The following AKAP6 variants were observed in gnomAD, a reference collection of about 807,000 sequenced individuals.
The protein encoded by AKAP6 is A-kinase anchoring protein 6.
A neutral mutation model predicts 188.5 loss-of-function variants in AKAP6; 58 were observed. That is an observed-to-expected ratio of 0.31 (90% CI 0.25 to 0.38). The LOEUF (loss-of-function observed/expected upper bound fraction) is 0.38, where lower values mean the gene tolerates loss of function less well. Among genes scored for constraint, AKAP6 ranks in the 10% least tolerant of loss-of-function variants. The probability of loss-of-function intolerance (pLI) is 1.00; values close to 1 mark genes in which losing one functional copy is unlikely to be tolerated. For synonymous variants in AKAP6, 989 were observed against 998.6 expected (o/e 0.99, Z 0.18); for missense variants, 2,710 against 2,740.0 (o/e 0.99, Z 0.24).
chr14:32,791,209 G>A (rs1054794449), intron 12 of AKAP6, among the ~76,000 whole-genome samples: 1 of 152,102 alleles, frequency 6.6e-6, no homozygotes, highest in Non-Finnish European at 1.5e-5. Flanking sequence ...TTCCACAATG[G>A]TTGAACTAAT....
chr14:32,830,666 A>G lies in AKAP6; in HGVS notation c.*861A>G, dbSNP rs2034803413. On this transcript the variant is annotated 3_prime_UTR_variant, in exon 14 of 14. Transcript: ENST00000280979. ...TGAATAATTTCTGTATATATGTATA[A>G]CCAAGTACAAACATTGATGTATAAT... 1 of 152,656 alleles carries G rather than the reference A, an allele frequency of 6.6e-6. No homozygotes were observed. The highest frequency in any genetic ancestry group is 1.5e-5 in the Non-Finnish European group (1 of 68,030). 9.5% of individuals were successfully genotyped at this position (152,656 alleles called of 1,614,324 possible).
chr14:32,695,600 C>T (rs1890370617), intron 8 of AKAP6, among the ~76,000 whole-genome samples: 1 of 152,050 alleles, frequency 6.6e-6, no homozygotes, highest in Non-Finnish European at 1.5e-5. Context: ...TGTTCTTACC[C>T]AAAATTCAGG....
Position 32,360,610 on chromosome 14 carries a change from G to T in AKAP6, c.-35+31202G>T, listed in dbSNP as rs551622220. Among the ~76,000 whole-genome samples, 93 of 151,912 alleles carry T rather than the reference G, an allele frequency of 6.1e-4. 1 individual carries two copies. Among genetic ancestry groups the T allele is most frequent in the Middle Eastern group, 6.8e-3 (2 of 294 alleles). Reference sequence around the variant, plus strand: ...TTTATTTATTCAATCGTTTATATCAGTATAGGCTCACGGATATTTATTTTA... The same window carrying T: ...TTTATTTATTCAATCGTTTATATCATTATAGGCTCACGGATATTTATTTTA... On this transcript the variant is annotated intron_variant, in intron 1 of 13. Coordinates refer to ENST00000280979, the MANE Select transcript of AKAP6 (RefSeq NM_004274.5).
At chr14:32,553,294 C>T (rs1303883953) in intron 4 of AKAP6, among the ~76,000 whole-genome samples, 1 of 151,936 alleles carries the variant, frequency 6.6e-6, no homozygotes, top group Non-Finnish European at 1.5e-5. Context: ...CCTCAGCCTC[C>T]CCAGTAGCTG....
intron 1 of AKAP6, among the ~76,000 whole-genome samples, chr14:32,397,585 C>T (rs913894032): frequency 4.6e-5 from 7 of 151,894 alleles, no homozygotes; most frequent in Admixed American, 2.6e-4. Context: ...CCATGAGGAG[C>T]GAGCATATGA....
At chr14:32,827,800 A>G (rs757460277) in intron 13 of AKAP6, among the ~76,000 whole-genome samples, 30 of 152,350 alleles carry the variant, frequency 2.0e-4, no homozygotes, top group Admixed American at 9.2e-4. Flanking sequence ...TTATTTCTTC[A>G]TAATCCTCAT....
chr14:32,343,064 C>T (rs368127689), intron 1 of AKAP6, among the ~76,000 whole-genome samples: 6 of 152,056 alleles, frequency 3.9e-5, no homozygotes, highest in Non-Finnish European at 7.4e-5. Flanking sequence ...TTCCCCTTGA[C>T]GATTTTCCCA....
chr14:32,655,344 T>G (rs965498197), intron 7 of AKAP6, among the ~76,000 whole-genome samples: 1 of 152,234 alleles, frequency 6.6e-6, no homozygotes, highest in Admixed American at 6.5e-5. Flanking sequence ...CTGTAACTGA[T>G]ACTAAGTGTT....
chr14:32,380,756 C>T (rs978866481), intron 1 of AKAP6, among the ~76,000 whole-genome samples: 4 of 152,142 alleles, frequency 2.6e-5, no homozygotes, highest in African/African-American at 4.8e-5. Flanking sequence ...AGTCCTGTCA[C>T]GTGAGAAAAG....
chr14:32,442,517 G>A (rs1050825628), intron 2 of AKAP6: 8 of 152,070 alleles, frequency 5.3e-5, no homozygotes, highest in Non-Finnish European at 1.0e-4. Context: ...TGCCTAAGAA[G>A]GGGTGAACTG....
Position 32,577,135 on chromosome 14 carries a change from C to T in AKAP6, c.2362C>T (p.Leu788=), listed in dbSNP as rs367650901. 1 of 1,608,950 alleles carries T rather than the reference C, an allele frequency of 6.2e-7. No homozygotes were observed. Among genetic ancestry groups the T allele is most frequent in the Non-Finnish European group, 8.5e-7 (1 of 1,178,498 alleles). ...WEKIEGFVNK[L]DEFIQWLNEA... ...CTTTCACAAGGGGTTTGTAAACAAA[C>T]TGGATGAATTCATTCAATGGTTAAA... The change falls in exon 5 of 14, where the codon CTG becomes TTG. Residue 788 remains leucine, a synonymous_variant. Coordinates refer to ENST00000280979, the MANE Select transcript of AKAP6 (RefSeq NM_004274.5).
chr14:32,382,104 G>T (rs1888382703), intron 1 of AKAP6, among the ~76,000 whole-genome samples: 1 of 152,142 alleles, frequency 6.6e-6, no homozygotes, highest in African/African-American at 2.4e-5. Context: ...GAGTCACCTA[G>T]CAGGTCCTTA....
intron 9 of AKAP6, among the ~76,000 whole-genome samples, chr14:32,711,373 A>G (rs1283251809): frequency 1.3e-5 from 2 of 152,052 alleles, no homozygotes; most frequent in African/African-American, 2.4e-5. Flanking sequence ...GCTCACAGGC[A>G]CTTCTCTGGC....
intron 7 of AKAP6, among the ~76,000 whole-genome samples, chr14:32,629,786 A>G (rs1385447021): frequency 6.6e-6 from 1 of 151,872 alleles, no homozygotes; most frequent in Non-Finnish European, 1.5e-5. Flanking sequence ...AAGAATGAGA[A>G]TACTCTGGCC....
chr14:32,694,679 A>G (rs1033256221), intron 8 of AKAP6, among the ~76,000 whole-genome samples: 3 of 152,192 alleles, frequency 2.0e-5, no homozygotes, highest in African/African-American at 7.2e-5. Context: ...CTTTATAGTT[A>G]TGATAAAGTA....
intron 11 of AKAP6, among the ~76,000 whole-genome samples, chr14:32,750,528 C>A (rs2139902077): frequency 6.6e-6 from 1 of 151,706 alleles, no homozygotes; most frequent in East Asian, 1.9e-4. Context: ...TTGAGACCAG[C>A]CTGGGCAACA....
In AKAP6 at chr14:32,823,295, A is replaced by G. The variant is rs1359506573; in HGVS notation, c.5482A>G (p.Ser1828Gly). The G allele has an allele frequency of 6.2e-7, 1 of 1,613,930 alleles. No homozygotes were observed. Among genetic ancestry groups the G allele is most frequent in the Non-Finnish European group, 8.5e-7 (1 of 1,179,940 alleles). ...CAATGTCAGTGATGAGATGAAGGGC[A>G]GTAAAGATATAAGTAGCAGTGAGAT... The part of the protein sequence containing the change: ...RCNVSDEMKG[S>G]KDISSSEMTN... The change falls in exon 13 of 14, where the codon AGT becomes GGT. Residue 1828 changes from serine to glycine, a missense_variant. Physicochemically the swap from Ser to Gly is moderately conservative, Grantham distance 56. Coordinates refer to ENST00000280979, the MANE Select transcript of AKAP6 (RefSeq NM_004274.5).
chr14:32,808,306 GA>G (rs1383038573), intron 12 of AKAP6, among the ~76,000 whole-genome samples: 2 of 152,170 alleles, frequency 1.3e-5, no homozygotes, highest in Non-Finnish European at 2.9e-5. Context: ...AGCACTCTAA[GA>G]CAACTCCTGT....
intron 5 of AKAP6, among the ~76,000 whole-genome samples, chr14:32,589,170 A>G (rs941338439): frequency 1.3e-5 from 2 of 152,208 alleles, no homozygotes; most frequent in African/African-American, 2.4e-5. Flanking sequence ...ATCAAACTTC[A>G]AAAGCATGAG....
Sources: gnomAD v4.1 joint callset for allele counts (sites outside exome capture counted in the v4.1 genomes callset) on GRCh38, gnomAD v4.1.1 for gene constraint, MANE v1.5 for transcripts, NCBI Gene and HGNC (gene_info 2026-07-23, HGNC 2026-07-21) for gene names.